MEF2A: variants seen among roughly 807,000 people sequenced by gnomAD.
The protein encoded by MEF2A is myocyte-specific enhancer factor 2A.
Under a neutral mutation model 55.8 loss-of-function variants are expected in MEF2A, and 28 were observed. The ratio of observed to expected loss-of-function variants is 0.50; its 90% CI spans 0.37 to 0.69. The LOEUF is 0.69. Ranked by LOEUF, MEF2A falls within the 30% of genes least tolerant of loss-of-function variation. The pLI, the probability that MEF2A is intolerant of heterozygous loss-of-function variation, is 0.00. For missense variants in MEF2A, 528 were observed against 626.2 expected, an observed-to-expected ratio of 0.84 and a Z score of 1.67; for synonymous variants, 239 against 227.1, an observed-to-expected ratio of 1.05 and a Z score of -0.47.
At chr15:99,639,642 C>T (rs114568175) in intron 3 of MEF2A, among the ~76,000 whole-genome samples, 1 of 152,158 alleles carries the variant, frequency 6.6e-6, no homozygotes, top group African/African-American at 2.4e-5. Flanking sequence ...ACCATGTTTT[C>T]AAGTTGCTTT....
In MEF2A at chr15:99,712,916, A is replaced by T. The variant is rs201277440; in HGVS notation, c.*145A>T. 23 of 899,902 alleles carry T rather than the reference A, an allele frequency of 2.6e-5. No individual in the cohort carries two copies. Among genetic ancestry groups the T allele is most frequent in the Admixed American group, 8.6e-5 (3 of 34,998 alleles). The allele number at this position is 899,902 out of a possible 1,614,324, so 55.7% of individuals were successfully genotyped here. On this transcript the variant is annotated 3_prime_UTR_variant, in exon 12 of 12. Transcript: ENST00000557942. The surrounding 1 kb of genome is among the most constrained non-coding windows in gnomAD (Gnocchi z 4.1). ...TTACATATATATGTATGTGGGTGTG[A>T]GTGTGTATGTGTGGGTGTGTGTTAC...
chr15:99,581,488 G>A (rs752492867), intron 1 of MEF2A, among the ~76,000 whole-genome samples: 24 of 151,200 alleles, frequency 1.6e-4, no homozygotes, highest in Non-Finnish European at 2.7e-4. Flanking sequence ...CCTCATTTGA[G>A]TGATCATTTG....
At chr15:99,674,671 C>G in intron 6 of MEF2A, 59 bp downstream of exon 6, 1 of 1,358,960 alleles carries the variant, frequency 7.4e-7, no homozygotes, top group South Asian at 1.2e-5. Flanking sequence ...AAATTCATTG[C>G]TAACATAAGC....
chr15:99,588,050 T>C (rs1967953881), intron 1 of MEF2A, among the ~76,000 whole-genome samples: 1 of 152,202 alleles, frequency 6.6e-6, no homozygotes, highest in Non-Finnish European at 1.5e-5. Flanking sequence ...TGATCTTAGC[T>C]GTAGGTTTTC....
chr15:99,671,267 A>C (rs1435900154), intron 4 of MEF2A, 56 bp from the exon 5 acceptor site: 1 of 1,567,014 alleles, frequency 6.4e-7, no homozygotes, highest in Non-Finnish European at 8.7e-7. Flanking sequence ...AATTTTACAG[A>C]AAAACTCATG....
chr15:99,607,761 CA>C (rs1975671778), intron 2 of MEF2A, among the ~76,000 whole-genome samples: 1 of 152,128 alleles, frequency 6.6e-6, no homozygotes, highest in Admixed American at 6.5e-5. Flanking sequence ...CATGTGAAGA[CA>C]GGACGTTGTT....
intron 8 of MEF2A, among the ~76,000 whole-genome samples, chr15:99,692,487 C>T (rs2055679946): frequency 6.6e-6 from 1 of 152,142 alleles, no homozygotes; most frequent in South Asian, 2.1e-4. Flanking sequence ...GTCAAAGACA[C>T]TGTAAGGAGA....
intron 6 of MEF2A, 98 bp downstream of exon 6, chr15:99,674,710 CT>C: frequency 9.9e-7 from 1 of 1,005,502 alleles, no homozygotes; most frequent in South Asian, 1.5e-5. Context: ...TCTTTTATTG[CT>C]TTGATGAGCA....
At chr15:99,613,482 G>A (rs370665453) in intron 2 of MEF2A, among the ~76,000 whole-genome samples, 197 of 152,244 alleles carry the variant, frequency 1.3e-3, no homozygotes, top group Non-Finnish European at 2.1e-3. Context: ...CCATCCCTGT[G>A]GGTAATCTAG....
intron 1 of MEF2A, among the ~76,000 whole-genome samples, chr15:99,580,271 A>T (rs1024926035): frequency 6.6e-6 from 1 of 152,078 alleles, no homozygotes; most frequent in Non-Finnish European, 1.5e-5. Flanking sequence ...TTGCATTGTC[A>T]ACATTCTTTG....
chr15:99,642,943 T>C (rs1394258780), intron 3 of MEF2A, among the ~76,000 whole-genome samples: 1 of 152,234 alleles, frequency 6.6e-6, no homozygotes, highest in Non-Finnish European at 1.5e-5. Flanking sequence ...TGTGTATGTA[T>C]GTATGTGTCC....
At chr15:99,618,228 A>G (rs1047142043) in intron 2 of MEF2A, among the ~76,000 whole-genome samples, 3 of 152,216 alleles carry the variant, frequency 2.0e-5, no homozygotes, top group Non-Finnish European at 4.4e-5. Flanking sequence ...AGAAGGATCG[A>G]GAATCACTTG....
intron 1 of MEF2A, among the ~76,000 whole-genome samples, chr15:99,580,811 T>G (rs1156533382): frequency 6.6e-6 from 1 of 152,216 alleles, no homozygotes; most frequent in Non-Finnish European, 1.5e-5. Context: ...TTGGTAGATG[T>G]TAGCTTTTTG....
chr15:99,572,305 C>G (rs970432431), intron 1 of MEF2A, among the ~76,000 whole-genome samples: 1 of 152,204 alleles, frequency 6.6e-6, no homozygotes, highest in Non-Finnish European at 1.5e-5. Flanking sequence ...TTGGGATATT[C>G]TTCAAATGTC....
chr15:99,571,194 A>AC (rs1555441704), intron 1 of MEF2A, among the ~76,000 whole-genome samples: 3 of 151,860 alleles, frequency 2.0e-5, no homozygotes, highest in African/African-American at 4.8e-5. Context: ...CAAAAAAAAA[A>AC]AAACAACAAC....
At chr15:99,602,661 T>G (rs1000661668) in intron 2 of MEF2A, among the ~76,000 whole-genome samples, 8 of 101,032 alleles carry the variant, frequency 7.9e-5, no homozygotes, top group South Asian at 3.6e-4. Flanking sequence ...GGGGTGTGTG[T>G]GTGTGTGTGT....
chr15:99,697,538 T>G (rs982373034), intron 8 of MEF2A, among the ~76,000 whole-genome samples: 1 of 151,086 alleles, frequency 6.6e-6, no homozygotes, highest in Non-Finnish European at 1.5e-5. Context: ...ATATGTACAG[T>G]CTGTATGTTG....
chr15:99,605,672 A>G (rs1974811068), intron 2 of MEF2A, among the ~76,000 whole-genome samples: 1 of 146,570 alleles, frequency 6.8e-6, no homozygotes. Context: ...TTTAGATTTA[A>G]AAAAAAAAAA....
chr15:99,675,310 T>TA, intron 6 of MEF2A, 89 bp from the exon 7 acceptor site: 1 of 1,116,044 alleles, frequency 9.0e-7, no homozygotes, highest in South Asian at 1.2e-5. Flanking sequence ...GAGTGAGAGT[T>TA]ATCTCTATTC....
Sources: allele counts gnomAD v4.1 joint callset (sites outside exome capture counted in the v4.1 genomes callset), GRCh38; gene constraint gnomAD v4.1.1; non-coding constraint Gnocchi (gnomAD v3.1); transcripts MANE v1.5; gene names NCBI Gene and HGNC (gene_info 2026-07-23, HGNC 2026-07-21).